RAI14: variants seen among roughly 807,000 people sequenced by gnomAD.
RAI14 encodes the protein retinoic acid induced 14, also known as ankycorbin.
RAI14 carries 45 observed loss-of-function variants against 115.4 expected under a neutral mutation model. That is an observed-to-expected ratio of 0.39 (90% confidence interval 0.31 to 0.50). RAI14 has a LOEUF of 0.50. Among genes scored for constraint, RAI14 ranks in the 20% least tolerant of loss-of-function variants. The pLI, the probability that RAI14 is intolerant of heterozygous loss-of-function variation, is 0.85. For missense variants in RAI14, 939 were observed against 1,131.2 expected (o/e 0.83, Z 2.44); for synonymous variants, 371 against 415.4 (o/e 0.89, Z 1.30).
At position 34,737,589 on chromosome 5, in the gene RAI14, C is replaced by CAA. The variant is rs113624140; in HGVS notation, c.37-19868_37-19867dup. ...CTGGGCAACACAGACCTCATCTCTA[C>CAA]AAAAAAAAAAAATTTAAAAATTAGC... is the stretch of plus-strand genomic sequence containing the variant. On this transcript the variant is annotated intron_variant, in intron 2 of 17. Transcript: ENST00000265109. 8.8e-3 allele frequency among the ~76,000 whole-genome samples: 1,284 copies of CAA among 146,404 alleles called. 22 individuals carry two copies. Among genetic ancestry groups the CAA allele is most frequent in the African/African-American group, 0.029 (1,162 of 39,852 alleles).
At chr5:34,741,973 G>A (rs1243349907) in intron 2 of RAI14, among the ~76,000 whole-genome samples, 1 of 152,176 alleles carries the variant, frequency 6.6e-6, no homozygotes, top group Non-Finnish European at 1.5e-5. Flanking sequence ...TGTCTAGCAC[G>A]ATGCCTGGCA....
chr5:34,806,069 A>G (rs1028290419), intron 5 of RAI14, among the ~76,000 whole-genome samples: 4 of 152,166 alleles, frequency 2.6e-5, no homozygotes, highest in Non-Finnish European at 5.9e-5. Flanking sequence ...GGGTTACTGT[A>G]AGAGAGGAAT....
At chr5:34,809,623 C>A (rs1263242878) in intron 7 of RAI14, among the ~76,000 whole-genome samples, 1 of 128,486 alleles carries the variant, frequency 7.8e-6, no homozygotes, top group East Asian at 2.3e-4. Flanking sequence ...TTTTTTTTTT[C>A]TAAACTGGGA....
intron 14 of RAI14, among the ~76,000 whole-genome samples, 172 bp downstream of exon 14, chr5:34,822,022 CTT>C (rs1284209811): frequency 2.0e-5 from 3 of 151,096 alleles, no homozygotes; most frequent in Non-Finnish European, 4.4e-5. Context: ...TTCATTAACT[CTT>C]TCTGTAAATT....
rs200755007 is a variant in RAI14 at position 34,685,228 on chromosome 5, A to G, written c.-48-1644A>G. ...GAGACCCCATTCGCCACAAAAAAGG[A>G]AAAAAAAAAAAGATAAAGTCTATAC... On this transcript the variant is annotated intron_variant, in intron 1 of 17. Transcript: ENST00000265109. 422 of 50,754 alleles carry G rather than the reference A, an allele frequency of 8.3e-3. 4 individuals carry two copies. The highest frequency in any genetic ancestry group is 0.017 in the African/African-American group (412 of 24,562). 3.1% of individuals were successfully genotyped at this position (50,754 alleles called of 1,614,324 possible).
chr5:34,714,450 C>T (rs533485923), intron 2 of RAI14, among the ~76,000 whole-genome samples: 2 of 152,268 alleles, frequency 1.3e-5, no homozygotes, highest in South Asian at 4.1e-4. Context: ...AGTGGGCATT[C>T]CAGCAAAGAA....
chr5:34,692,860 A>G (rs1264316597), intron 2 of RAI14, among the ~76,000 whole-genome samples: 1 of 152,164 alleles, frequency 6.6e-6, no homozygotes, highest in Non-Finnish European at 1.5e-5. Context: ...AAAGAAATGT[A>G]TTGTCTCAGA....
chr5:34,824,279 G>A lies in RAI14; in HGVS notation c.2437G>A (p.Glu813Lys). 1.2e-6 allele frequency: 2 copies of A among 1,614,214 alleles called. No individual in the cohort carries two copies. Among genetic ancestry groups the A allele is most frequent in the Non-Finnish European group, 1.7e-6 (2 of 1,180,028 alleles). The change falls in exon 15 of 18, where the codon GAG (glutamate) becomes AAG (lysine). Residue 813 changes from glutamate (E) to lysine (K), a missense_variant. Transcript: ENST00000265109. The part of the protein sequence containing the change: ...LASKLKESVK[E>K]KEKVHSEVVQ... The stretch of plus-strand genomic sequence containing the variant: ...ATCGAAATTAAAGGAATCTGTGAAA[G>A]AGAAAGAGAAGGTCCATTCAGAGGT...
At chr5:34,779,483 C>T (rs1256190530) in intron 3 of RAI14, among the ~76,000 whole-genome samples, 1 of 152,208 alleles carries the variant, frequency 6.6e-6, no homozygotes, top group East Asian at 1.9e-4. Flanking sequence ...CCCATCGTCT[C>T]AGCCCAAAAT....
chr5:34,720,696 C>G (rs1363605382), intron 2 of RAI14, among the ~76,000 whole-genome samples: 2 of 151,974 alleles, frequency 1.3e-5, no homozygotes, highest in Non-Finnish European at 1.5e-5. Flanking sequence ...AGGCGTGAGC[C>G]ACCGCGCCCG....
At chr5:34,797,275 A>G (rs1383905793) in intron 4 of RAI14, among the ~76,000 whole-genome samples, 5 of 152,108 alleles carry the variant, frequency 3.3e-5, no homozygotes, top group Non-Finnish European at 5.9e-5. Context: ...CCCATCCCCA[A>G]AATTGGCCTC....
intron 2 of RAI14, among the ~76,000 whole-genome samples, chr5:34,711,012 G>A (rs957902272): frequency 6.6e-6 from 1 of 152,160 alleles, no homozygotes; most frequent in Admixed American, 6.5e-5. Flanking sequence ...GAAGTGATGG[G>A]GGGTGCTATG....
intron 3 of RAI14, among the ~76,000 whole-genome samples, chr5:34,781,537 C>G (rs1186122939): frequency 2.6e-5 from 4 of 152,132 alleles, no homozygotes; most frequent in African/African-American, 9.7e-5. Context: ...CGTTTTACAT[C>G]TGGACATTTA....
chr5:34,718,656 G>A lies in RAI14; in HGVS notation c.36+31701G>A, dbSNP rs186590875. ...GATCTACTGGGAGAATCAAAAGATT[G>A]TGAATTTTGGGTCAGGCAGAGAGGG... On this transcript the variant is annotated intron_variant, in intron 2 of 17. Coordinates refer to ENST00000265109, the MANE Select transcript of RAI14 (RefSeq NM_015577.3). 3.3e-5 allele frequency among the ~76,000 whole-genome samples: 5 copies of A among 152,344 alleles called. No homozygotes were observed. The East Asian group carries it at 9.6e-4, about 29-fold the overall frequency.
chr5:34,729,391 T>A (rs1412490006), intron 2 of RAI14, among the ~76,000 whole-genome samples: 3 of 152,164 alleles, frequency 2.0e-5, no homozygotes, highest in Non-Finnish European at 4.4e-5. Flanking sequence ...TGGGGCTTCA[T>A]TATATTCTTT....
At chr5:34,828,153 A>G (rs1757635292) in intron 16 of RAI14, among the ~76,000 whole-genome samples, 1 of 152,144 alleles carries the variant, frequency 6.6e-6, no homozygotes, top group Non-Finnish European at 1.5e-5. Context: ...GGTGGGGCTA[A>G]CCAGTCGCAG....
intron 2 of RAI14, among the ~76,000 whole-genome samples, chr5:34,692,158 G>T (rs1274520540): frequency 6.6e-6 from 1 of 152,174 alleles, no homozygotes; most frequent in Non-Finnish European, 1.5e-5. Flanking sequence ...AGCTACTCGG[G>T]AGGCTGAGGC....
chr5:34,813,530 C>G (rs371377831), intron 10 of RAI14, 44 bp from the exon 11 acceptor site: 31 of 1,463,082 alleles, frequency 2.1e-5, no homozygotes, highest in Non-Finnish European at 2.9e-5. Context: ...ACTTTACTAA[C>G]CAAACTAACC....
At chr5:34,748,695 C>T (rs1206766233) in intron 2 of RAI14, among the ~76,000 whole-genome samples, 1 of 151,908 alleles carries the variant, frequency 6.6e-6, no homozygotes, top group African/African-American at 2.4e-5. Flanking sequence ...AATTTGGGAG[C>T]CTCATGCCTA....
Sources: gnomAD v4.1 joint callset for allele counts (sites outside exome capture counted in the v4.1 genomes callset) on GRCh38, gnomAD v4.1.1 for gene constraint, MANE v1.5 for transcripts, NCBI Gene and HGNC (gene_info 2026-07-23, HGNC 2026-07-21) for gene names.